The following MALT1 variants were observed in gnomAD, a reference collection of about 807,000 sequenced individuals.
MALT1 encodes MALT1 paracaspase, also known as mucosa-associated lymphoid tissue lymphoma translocation protein 1.
A neutral mutation model predicts 85.5 loss-of-function variants in MALT1; 36 were observed. The observed-to-expected ratio is 0.42, with a 90% CI of 0.32 to 0.56. The LOEUF (loss-of-function observed/expected upper bound fraction) is 0.56, where lower values mean the gene tolerates loss of function less well. Ranked by LOEUF, MALT1 falls within the 20% of genes least tolerant of loss-of-function variation. The pLI is 0.10. For synonymous variants in MALT1, 359 were observed against 361.3 expected (o/e 0.99, Z 0.07); for missense variants, 716 against 981.6 (o/e 0.73, Z 3.62).
At chr18:58,708,492 G>T (rs2054788669) in intron 4 of MALT1, among the ~76,000 whole-genome samples, 1 of 152,152 alleles carries the variant, frequency 6.6e-6, no homozygotes, top group South Asian at 2.1e-4. Flanking sequence ...AAAACATTCA[G>T]CTGGCTTACC....
rs751434443 is a variant in MALT1 at position 58,727,616 on chromosome 18, G to GTTTTTTTTTTTTTTTTTTTTTTT, written c.1222+4376_1222+4377insTTTTTTTTTTTTTTTTTTTTTTT. ...ACCCAGCCTGCCAAAGGTTTTTTGT[G>GTTTTTTTTTTTTTTTTTTTTTTT]TTTTTTTTTTTGTTTTTTTTTTTTT... is the stretch of plus-strand genomic sequence containing the variant. On this transcript the variant is annotated intron_variant, in intron 10 of 16. Transcript: ENST00000649217. Among the ~76,000 whole-genome samples the GTTTTTTTTTTTTTTTTTTTTTTT allele has an allele frequency of 5.0e-4, 61 of 121,240 alleles. 3 individuals carry two copies. Among genetic ancestry groups the GTTTTTTTTTTTTTTTTTTTTTTT allele is most frequent in the African/African-American group, 1.7e-3 (51 of 30,640 alleles). 79.5% of individuals were successfully genotyped at this position (121,240 alleles called of 152,430 possible). A position where few individuals can be genotyped will look rare whatever the true frequency, so the allele number is the denominator to read the frequency against.
intron 1 of MALT1, chr18:58,672,815 G>A (rs12052024): frequency 9.2e-5 from 14 of 152,116 alleles, no homozygotes; most frequent in African/African-American, 2.9e-4. Flanking sequence ...TCAGTCTGTC[G>A]CACTATTACA....
Position 58,671,630 on chromosome 18 carries a change from C to T in MALT1, c.-14C>T. On this transcript the variant is annotated 5_prime_UTR_variant, in exon 1 of 17. Coordinates refer to ENST00000649217, the MANE Select transcript of MALT1 (RefSeq NM_006785.4). ...GGCGGGAGCCCCGGCAGTCCGGGGT[C>T]GCCGGCGAGGGCCATGTCGCTGTTG... The T allele has an allele frequency of 8.2e-7, 1 of 1,212,278 alleles. No individual in the cohort carries two copies. The highest frequency in any genetic ancestry group is 1.0e-6 in the Non-Finnish European group (1 of 975,216). 75.1% of individuals were successfully genotyped at this position (1,212,278 alleles called of 1,614,324 possible).
chr18:58,673,854 G>A (rs1311259528), intron 1 of MALT1, among the ~76,000 whole-genome samples: 2 of 152,108 alleles, frequency 1.3e-5, no homozygotes, highest in African/African-American at 4.8e-5. Context: ...GAGTAATGAT[G>A]TGAGGAGGGA....
chr18:58,722,120 T>A (rs200206255), intron 9 of MALT1, among the ~76,000 whole-genome samples: 43 of 150,716 alleles, frequency 2.9e-4, no homozygotes, highest in Admixed American at 7.9e-4. Flanking sequence ...TTTTTTTTTT[T>A]ATTTTTTTCT....
chr18:58,700,376 T>A, intron 3 of MALT1, 65 bp from the exon 4 acceptor site: 1 of 1,268,322 alleles, frequency 7.9e-7, no homozygotes, highest in Non-Finnish European at 1.1e-6. Context: ...ATAGATTTTG[T>A]ACAGCATATT....
At chr18:58,709,595 A>T (rs780159081) in intron 5 of MALT1, 39 bp downstream of exon 5, 1 of 1,497,998 alleles carries the variant, frequency 6.7e-7, no homozygotes, top group Non-Finnish European at 9.1e-7. Context: ...GGGAGTTAAC[A>T]TGTAAAACAA....
chr18:58,724,887 G>A (rs2055031952), intron 10 of MALT1, among the ~76,000 whole-genome samples: 2 of 152,046 alleles, frequency 1.3e-5, no homozygotes, highest in African/African-American at 4.8e-5. Context: ...GCTTACGTCT[G>A]TAATCCCAGC....
At chr18:58,725,324 G>C (rs776288610) in intron 10 of MALT1, among the ~76,000 whole-genome samples, 2 of 151,704 alleles carry the variant, frequency 1.3e-5, no homozygotes, top group Non-Finnish European at 2.9e-5. Flanking sequence ...TTGGAATCTT[G>C]GTCTCAAAAA....
intron 10 of MALT1, among the ~76,000 whole-genome samples, chr18:58,729,381 C>T (rs1239491260): frequency 5.3e-5 from 8 of 151,198 alleles, no homozygotes; most frequent in African/African-American, 1.5e-4. Context: ...CCCAGCTACC[C>T]GGGAGGCTGA....
chr18:58,751,418 G>T lies in MALT1; in HGVS notation c.*3576G>T, dbSNP rs1186760443. The T allele has an allele frequency of 6.6e-6, 1 of 151,432 alleles. No individual in the cohort carries two copies. Among genetic ancestry groups the T allele is most frequent in the Admixed American group, 6.6e-5 (1 of 15,200 alleles). 9.4% of individuals were successfully genotyped at this position (151,432 alleles called of 1,614,324 possible). On this transcript the variant is annotated 3_prime_UTR_variant, in exon 17 of 17. Coordinates refer to ENST00000649217, the MANE Select transcript of MALT1 (RefSeq NM_006785.4). ...TTGATTTTTTTTTTTTTAAGACAGA[G>T]TCCTGGCTCTGTCGCCCAGGCTGGA...
chr18:58,741,188 AAT>A, intron 13 of MALT1, among the ~76,000 whole-genome samples: 2 of 152,180 alleles, frequency 1.3e-5, no homozygotes, highest in South Asian at 4.1e-4. Flanking sequence ...GATTGTTTAA[AAT>A]CCAATCTGAT....
At chr18:58,731,896 T>G (rs1242167350) in intron 10 of MALT1, among the ~76,000 whole-genome samples, 1 of 152,320 alleles carries the variant, frequency 6.6e-6, no homozygotes, top group Middle Eastern at 3.4e-3. Flanking sequence ...AGTGCACACA[T>G]GAGCTGTAAT....
chr18:58,727,908 T>C (rs925561207), intron 10 of MALT1, among the ~76,000 whole-genome samples: 2 of 152,162 alleles, frequency 1.3e-5, no homozygotes, highest in African/African-American at 2.4e-5. Flanking sequence ...TAATATTACC[T>C]ACTTTGTTGT....
Position 58,753,097 on chromosome 18 carries a change from G to A in MALT1, c.*5255G>A, listed in dbSNP as rs1426005542. On this transcript the variant is annotated 3_prime_UTR_variant, in exon 17 of 17. Transcript: ENST00000649217. The stretch of plus-strand genomic sequence containing the variant: ...TACTAAATAAGACCATTCCTCTAAA[G>A]TGCCAGCATTTTGAAAAGCATCAAC... 2 of 152,280 alleles carry A rather than the reference G, an allele frequency of 1.3e-5. No homozygotes were observed. The highest frequency in any genetic ancestry group is 1.3e-4 in the Admixed American group (2 of 15,302). The allele number at this position is 152,280 out of a possible 1,614,324, so 9.4% of individuals were successfully genotyped here. A position where few individuals can be genotyped will look rare whatever the true frequency, so the allele number is the denominator to read the frequency against.
intron 10 of MALT1, among the ~76,000 whole-genome samples, chr18:58,728,742 G>A (rs2055101974): frequency 6.6e-6 from 1 of 152,194 alleles, no homozygotes; most frequent in Admixed American, 6.5e-5. Context: ...GACATTTTGG[G>A]AAAGAGAAAA....
In MALT1 at chr18:58,740,316, G is replaced by A. The variant is rs984916616; in HGVS notation, c.1604-1549G>A. ...TGTTGATTTCTTCTACTTTTTCATT[G>A]TTTTCTACATCATTAACTTCTGCTG... On this transcript the variant is annotated intron_variant, in intron 13 of 16. Transcript: ENST00000649217. Among the ~76,000 whole-genome samples the A allele has an allele frequency of 3.9e-5, 6 of 151,940 alleles. No individual in the cohort carries two copies. In the East Asian group the frequency reaches 7.7e-4, roughly 20 times the overall value.
intron 4 of MALT1, among the ~76,000 whole-genome samples, chr18:58,704,602 A>G (rs1418245084): frequency 6.6e-6 from 1 of 152,126 alleles, no homozygotes; most frequent in Non-Finnish European, 1.5e-5. Context: ...GACCACACAC[A>G]TGCACCACTG....
In MALT1 at chr18:58,671,517, C is replaced by G; in HGVS notation, c.-127C>G. ...GAGCTTCCTCCTCTGAGGGCCGTGC[C>G]GCGCTGCCAGATTTGTTCTTCCGCC... On this transcript the variant is annotated 5_prime_UTR_variant, in exon 1 of 17. Coordinates refer to ENST00000649217, the MANE Select transcript of MALT1 (RefSeq NM_006785.4). 1.9e-6 allele frequency: 1 copy of G among 534,992 alleles called. No homozygotes were observed. Among genetic ancestry groups the G allele is most frequent in the Non-Finnish European group, 2.8e-6 (1 of 359,800 alleles). The allele number at this position is 534,992 out of a possible 1,614,324, so 33.1% of individuals were successfully genotyped here.
Sources: gnomAD v4.1 joint callset for allele counts (sites outside exome capture counted in the v4.1 genomes callset) on GRCh38, gnomAD v4.1.1 for gene constraint, MANE v1.5 for transcripts, NCBI Gene and HGNC (gene_info 2026-07-23, HGNC 2026-07-21) for gene names.